The following MUC13 variants were observed in gnomAD, a reference collection of about 807,000 sequenced individuals.
The protein encoded by MUC13 is mucin-13.
Under a neutral mutation model 48.3 loss-of-function variants are expected in MUC13, and 32 were observed. That is an observed-to-expected ratio of 0.66 (90% CI 0.50 to 0.89). The LOEUF is 0.89. Among genes scored for constraint, MUC13 ranks in the 40% least tolerant of loss-of-function variants. The probability of loss-of-function intolerance (pLI) is 0.00; values close to 1 mark genes in which losing one functional copy is unlikely to be tolerated. For missense variants in MUC13, 571 were observed against 622.8 expected (o/e 0.92, Z 0.88); for synonymous variants, 199 against 224.9 (o/e 0.88, Z 1.03).
intron 1 of MUC13, among the ~76,000 whole-genome samples, chr3:124,932,604 C>T (rs1935816861): frequency 6.6e-6 from 1 of 151,938 alleles, no homozygotes; most frequent in Admixed American, 6.6e-5. Context: ...AAAATCAGAT[C>T]CAAGTGCAGA....
chr3:124,907,326 T>C (rs1161914411), intron 11 of MUC13, among the ~76,000 whole-genome samples: 4 of 152,106 alleles, frequency 2.6e-5, no homozygotes, highest in Non-Finnish European at 4.4e-5. Flanking sequence ...TCTTTAGAAG[T>C]GGACTGATGC....
chr3:124,932,495 G>C (rs1392742525), intron 1 of MUC13, among the ~76,000 whole-genome samples: 1 of 152,078 alleles, frequency 6.6e-6, no homozygotes, highest in Non-Finnish European at 1.5e-5. Flanking sequence ...GAACCTGGGA[G>C]GCGGAGGTTG....
Position 124,908,312 on chromosome 3 carries a change from G to A in MUC13, c.1374C>T (p.Asn458=), listed in dbSNP as rs1186404458. 7.4e-6 allele frequency: 12 copies of A among 1,614,090 alleles called. No individual in the cohort carries two copies. The highest frequency in any genetic ancestry group is 1.3e-5 in the African/African-American group (1 of 74,922). The stretch of plus-strand genomic sequence containing the variant: ...GATTTTGAAAGTCTTCGTCAATCAA[G>A]TTCTCTTCTTCAATATGCTTCGTTT... ...NNKTKHIEEE[N]LIDEDFQNLK... The change falls in exon 11 of 12, where the codon AAC becomes AAT. Residue 458 remains asparagine, a synonymous_variant. Coordinates refer to ENST00000616727, the MANE Select transcript of MUC13 (RefSeq NM_033049.4).
At chr3:124,930,288 A>G (rs1302182363) in intron 1 of MUC13, among the ~76,000 whole-genome samples, 3 of 152,226 alleles carry the variant, frequency 2.0e-5, no homozygotes, top group Non-Finnish European at 4.4e-5. Context: ...AGAATGCTCA[A>G]TTAGTTTTAA....
At chr3:124,926,705 G>A (rs767931222) in intron 2 of MUC13, among the ~76,000 whole-genome samples, 1 of 152,126 alleles carries the variant, frequency 6.6e-6, no homozygotes, top group Non-Finnish European at 1.5e-5. Flanking sequence ...AAAGTGTGAC[G>A]ATTCTTCTAG....
At chr3:124,910,684 C>CGG in intron 9 of MUC13, among the ~76,000 whole-genome samples, 185 bp from the exon 10 acceptor site, 1 of 152,290 alleles carries the variant, frequency 6.6e-6, no homozygotes, top group Non-Finnish European at 1.5e-5. Context: ...ACCTCCTAAA[C>CGG]TGTGTCTTCA....
In MUC13 at chr3:124,906,668, C is replaced by T. The variant is rs2107666155; in HGVS notation, c.*75G>A. On this transcript the variant is annotated 3_prime_UTR_variant, in exon 12 of 12. Coordinates refer to ENST00000616727, the MANE Select transcript of MUC13 (RefSeq NM_033049.4). ...TCTTTACTGGTGCTCACTTCTCCAT[C>T]AGTCTTTCTAAACACTCTAAATAAT... The T allele has an allele frequency of 6.6e-6, 1 of 152,282 alleles. No individual in the cohort carries two copies. The highest frequency in any genetic ancestry group is 2.1e-4 in the South Asian group (1 of 4,828). 9.4% of individuals were successfully genotyped at this position (152,282 alleles called of 1,614,324 possible).
chr3:124,923,667 GA>G lies in MUC13; in HGVS notation c.515-19del. The G allele has an allele frequency of 3.1e-6, 5 of 1,601,512 alleles. No individual in the cohort carries two copies. Among genetic ancestry groups the G allele is most frequent in the Non-Finnish European group, 4.2e-6 (5 of 1,176,690 alleles). ...GCTGGGACCTTAGATGGAGTAGAAA[GA>G]GATTAGAAATCCAGAGAAATGACAA... On this transcript the variant is annotated intron_variant, in intron 2 of 11. Transcript: ENST00000616727.
rs370543999 is a variant in MUC13, at chr3:124,908,370, A to C, written c.1338-22T>G. On this transcript the variant is annotated intron_variant, in intron 10 of 11. Coordinates refer to ENST00000616727, the MANE Select transcript of MUC13 (RefSeq NM_033049.4). ...TGATCTGTAATCAGTAAGAGGAATT[A>C]GGATTTGACAATGGCAGAAAGTTTC... 121 of 1,590,660 alleles carry C rather than the reference A, an allele frequency of 7.6e-5. No homozygotes were observed. In the Middle Eastern group the frequency reaches 1.7e-3, roughly 22 times the overall value.
At chr3:124,912,478 C>T (rs929083768) in intron 8 of MUC13, among the ~76,000 whole-genome samples, 1 of 152,196 alleles carries the variant, frequency 6.6e-6, no homozygotes, top group Non-Finnish European at 1.5e-5. Context: ...CAGGCTGTGA[C>T]GCCACATGGC....
chr3:124,927,121 C>A (rs976203611), intron 2 of MUC13, among the ~76,000 whole-genome samples: 1 of 152,192 alleles, frequency 6.6e-6, no homozygotes, highest in African/African-American at 2.4e-5. Flanking sequence ...GTAGAACTGA[C>A]TTCTTCCTTA....
rs1382373341 is a variant in MUC13, at chr3:124,908,367, A to G, written c.1338-19T>C. ...ATTTGATCTGTAATCAGTAAGAGGAATTAGGATTTGACAATGGCAGAAAGT... is the reference window on the plus strand; with the variant it reads ...ATTTGATCTGTAATCAGTAAGAGGAGTTAGGATTTGACAATGGCAGAAAGT... On this transcript the variant is annotated intron_variant, in intron 10 of 11. Coordinates refer to ENST00000616727, the MANE Select transcript of MUC13 (RefSeq NM_033049.4). The G allele has an allele frequency of 1.2e-6, 2 of 1,601,824 alleles. No individual in the cohort carries two copies. Among genetic ancestry groups the G allele is most frequent in the Admixed American group, 3.3e-5 (2 of 59,776 alleles).
At chr3:124,930,990 A>AG (rs1028769642) in intron 1 of MUC13, among the ~76,000 whole-genome samples, 3 of 152,200 alleles carry the variant, frequency 2.0e-5, no homozygotes, top group African/African-American at 7.2e-5. Context: ...GTGCTATACA[A>AG]GGCATAGGGG....
chr3:124,912,252 C>A, intron 8 of MUC13, 111 bp from the exon 9 acceptor site: 1 of 1,475,718 alleles, frequency 6.8e-7, no homozygotes, highest in Non-Finnish European at 9.2e-7. Context: ...TTTATTCTGT[C>A]CTCCCTTGCT....
In MUC13 at chr3:124,923,625, T is replaced by A. The variant is rs762871576; in HGVS notation, c.539A>T (p.Asp180Val). Reference protein sequence around the residue: ...STGPSNPCQDDPCADNSLCVK... With the variant: ...STGPSNPCQDVPCADNSLCVK... Reference sequence around the variant, plus strand: ...ACATAACGAATTATCTGCACAGGGATCATCTTGGCAAGGATTGCTGGGACC... The same window carrying A: ...ACATAACGAATTATCTGCACAGGGAACATCTTGGCAAGGATTGCTGGGACC... The change falls in exon 3 of 12, where the codon GAT becomes GTT. Residue 180 changes from aspartate (D) to valine (V), a missense_variant. Asp to Val is a radical substitution (Grantham distance 152). Transcript: ENST00000616727. 8.1e-6 allele frequency: 13 copies of A among 1,613,784 alleles called. No individual in the cohort carries two copies. Among genetic ancestry groups the A allele is most frequent in the African/African-American group, 1.3e-5 (1 of 74,976 alleles).
chr3:124,920,114 C>G (rs570804499), intron 5 of MUC13, 120 bp downstream of exon 5: 1 of 844,490 alleles, frequency 1.2e-6, no homozygotes, highest in Non-Finnish European at 2.0e-6. Context: ...TGAGACTGAC[C>G]CTCTCCTCTT....
At chr3:124,915,879 T>C (rs1318295348) in intron 6 of MUC13, among the ~76,000 whole-genome samples, 1 of 152,140 alleles carries the variant, frequency 6.6e-6, no homozygotes, top group South Asian at 2.1e-4. Context: ...GATTTTGCCA[T>C]GTTGCCCAGG....
chr3:124,916,442 T>G lies in MUC13; in HGVS notation c.839A>C (p.Asp280Ala). The change falls in exon 6 of 12, where the codon GAC (aspartate) becomes GCC (alanine). Residue 280 changes from aspartate to alanine, a missense_variant. Coordinates refer to ENST00000616727, the MANE Select transcript of MUC13 (RefSeq NM_033049.4). ...TACTATTGTTACATTAACAAACTTG[T>G]CATCAGCACGCATTTCAGATCTTGG... ...LSPRSEMRAD[D>A]KFVNVTIVTI... is the part of the protein sequence containing the mutation. 1 of 1,613,526 alleles carries G rather than the reference T, an allele frequency of 6.2e-7. No homozygotes were observed. Among genetic ancestry groups the G allele is most frequent in the Admixed American group, 1.7e-5 (1 of 59,964 alleles).
intron 11 of MUC13, 97 bp downstream of exon 11, chr3:124,908,050 T>C: frequency 8.4e-7 from 1 of 1,193,386 alleles, no homozygotes; most frequent in South Asian, 1.4e-5. Flanking sequence ...AAAGAAAGCC[T>C]GCGGGGCAGC....
Sources: allele counts gnomAD v4.1 joint callset (sites outside exome capture counted in the v4.1 genomes callset), GRCh38; gene constraint gnomAD v4.1.1; transcripts MANE v1.5; gene names NCBI Gene and HGNC (gene_info 2026-07-23, HGNC 2026-07-21).